BRD8: variants seen among roughly 807,000 people sequenced by gnomAD.
BRD8 encodes the protein bromodomain containing 8.
A neutral mutation model predicts 143.1 loss-of-function variants in BRD8; 67 were observed. That is an observed-to-expected ratio of 0.47 (90% CI 0.38 to 0.57). The LOEUF is 0.57. Among genes scored for constraint, BRD8 ranks in the 20% least tolerant of loss-of-function variants. The pLI is 0.00. For synonymous variants in BRD8, 505 were observed against 517.1 expected (o/e 0.98, Z 0.32); for missense variants, 1,103 against 1,503.0 (o/e 0.73, Z 4.40).
In BRD8 at chr5:138,161,079, A is replaced by G. The variant is rs78629454; in HGVS notation, c.2250-11T>C. On this transcript the variant is annotated splice_polypyrimidine_tract_variant and intron_variant, in intron 17 of 26. Transcript: ENST00000254900. The stretch of plus-strand genomic sequence containing the variant: ...GACAAATCCATAGGCCTAAAAAAAA[A>G]GAACAGGGGTAAGTAGCAGTGGGGA... The G allele has an allele frequency of 1.2e-6, 2 of 1,604,502 alleles. No homozygotes were observed. The highest frequency in any genetic ancestry group is 1.7e-6 in the Non-Finnish European group (2 of 1,174,516).
At position 138,171,415 on chromosome 5, in the gene BRD8, T is replaced by TA. The variant is rs34106093; in HGVS notation, c.187-6dup. ...CGAGTACTGGGAAGCACAATGCTAT[T>TA]AAAAAAAAAAAAAAAAGTGAAAATG... On this transcript the variant is annotated splice_polypyrimidine_tract_variant and splice_region_variant and intron_variant, in intron 3 of 26. Coordinates refer to ENST00000254900, the MANE Select transcript of BRD8 (RefSeq NM_139199.2). 6.8e-3 allele frequency: 9,051 copies of TA among 1,337,470 alleles called. 1 individual carries two copies. The highest frequency in any genetic ancestry group is 7.7e-3 in the Non-Finnish European group (7,526 of 976,370). 82.9% of individuals were successfully genotyped at this position (1,337,470 alleles called of 1,614,324 possible).
intron 11 of BRD8, 97 bp downstream of exon 11, chr5:138,165,726 CAAAAA>C (rs374362323): frequency 1.3e-3 from 1,244 of 942,914 alleles, no homozygotes; most frequent in South Asian, 2.2e-3. Context: ...ACTCTGTCTC[CAAAAA>C]AAAAAAAAAA....
chr5:138,160,792 C>G lies in BRD8; in HGVS notation c.2427+99G>C, dbSNP rs145308137. On this transcript the variant is annotated intron_variant, in intron 18 of 26. Transcript: ENST00000254900. ...CAATTGTGTCCCTGACAGCTATCCACGTAAAAGCCACAGCAACCCTTCTTG... is the reference window on the plus strand; with the variant it reads ...CAATTGTGTCCCTGACAGCTATCCAGGTAAAAGCCACAGCAACCCTTCTTG... 1.9e-5 allele frequency: 21 copies of G among 1,129,342 alleles called. No individual in the cohort carries two copies. In the South Asian group the frequency reaches 4.0e-4, roughly 22 times the overall value. The allele number at this position is 1,129,342 out of a possible 1,614,324, so 70.0% of individuals were successfully genotyped here. A position where few individuals can be genotyped will look rare whatever the true frequency, so the allele number is the denominator to read the frequency against.
intron 2 of BRD8, among the ~76,000 whole-genome samples, chr5:138,173,413 T>C (rs925061546): frequency 1.3e-5 from 2 of 151,842 alleles, no homozygotes. Flanking sequence ...AAAAAAAAGA[T>C]TCTTAACACT....
chr5:138,170,476 T>A (rs376893237), intron 6 of BRD8, 67 bp from the exon 7 acceptor site: 15 of 1,576,556 alleles, frequency 9.5e-6, no homozygotes, highest in Non-Finnish European at 1.3e-5. Flanking sequence ...ACAGAACCCT[T>A]ACAAAGTAAT....
chr5:138,171,257 C>T, intron 4 of BRD8, 97 bp from the exon 5 acceptor site: 2 of 1,418,702 alleles, frequency 1.4e-6, no homozygotes, highest in Non-Finnish European at 9.9e-7. Context: ...ATAACTTCTG[C>T]TATTTTTTAA....
rs913864438 is a variant in BRD8 at position 138,178,499 on chromosome 5, A to C, written c.19+97T>G. On this transcript the variant is annotated intron_variant, in intron 1 of 26. Coordinates refer to ENST00000254900, the MANE Select transcript of BRD8 (RefSeq NM_139199.2). Reference sequence around the variant, plus strand: ...CTCTGAAAACCCTGGGCTCTCAAGCAACCCACTTCTCCCACTCCCTAAGCG... The same window carrying C: ...CTCTGAAAACCCTGGGCTCTCAAGCCACCCACTTCTCCCACTCCCTAAGCG... 3.4e-6 allele frequency: 4 copies of C among 1,164,480 alleles called. No individual in the cohort carries two copies. The African/African-American group carries it at 6.0e-5, about 18-fold the overall frequency. 72.1% of individuals were successfully genotyped at this position (1,164,480 alleles called of 1,614,324 possible). A position where few individuals can be genotyped will look rare whatever the true frequency, so the allele number is the denominator to read the frequency against.
chr5:138,173,720 T>C (rs888110541), intron 2 of BRD8, among the ~76,000 whole-genome samples: 8 of 152,286 alleles, frequency 5.3e-5, no homozygotes, highest in Admixed American at 1.3e-4. Flanking sequence ...AGATGCACCA[T>C]CATGCCTGGC....
chr5:138,149,887 T>A, intron 22 of BRD8, 90 bp from the exon 23 acceptor site: 2 of 1,316,548 alleles, frequency 1.5e-6, no homozygotes, highest in Non-Finnish European at 2.1e-6. Context: ...AGGCTGCCCT[T>A]AAGGTGAGAA....
At chr5:138,154,319 T>C (rs1044412022) in intron 20 of BRD8, among the ~76,000 whole-genome samples, 3 of 152,170 alleles carry the variant, frequency 2.0e-5, no homozygotes, top group African/African-American at 7.2e-5. Context: ...TCTAATTACA[T>C]TTTTCTCCGT....
At chr5:138,157,516 G>A (rs1752686140) in intron 20 of BRD8, 1 of 525,932 alleles carries the variant, frequency 1.9e-6, no homozygotes, top group African/African-American at 1.9e-5. Context: ...AATTCACCTA[G>A]GGTCCCACAG....
At chr5:138,162,233 T>C (rs1561608793) in intron 15 of BRD8, 87 bp from the exon 16 acceptor site, 2 of 1,048,626 alleles carry the variant, frequency 1.9e-6, no homozygotes, top group Non-Finnish European at 2.8e-6. Context: ...AGGGTCTCAC[T>C]CTGTCCCCCA....
chr5:138,170,499 G>T, intron 6 of BRD8, 90 bp from the exon 7 acceptor site: 1 of 1,413,766 alleles, frequency 7.1e-7, no homozygotes, highest in Non-Finnish European at 1.0e-6. Flanking sequence ...TTTTTGCCAG[G>T]CCAGCACTTT....
At chr5:138,148,632 G>C (rs1306713948) in intron 23 of BRD8, among the ~76,000 whole-genome samples, 1 of 152,000 alleles carries the variant, frequency 6.6e-6, no homozygotes, top group African/African-American at 2.4e-5. Flanking sequence ...GCCTCCCAAA[G>C]TGCTGAGATT....
At chr5:138,167,288 C>A (rs976616945) in intron 9 of BRD8, among the ~76,000 whole-genome samples, 1 of 151,564 alleles carries the variant, frequency 6.6e-6, no homozygotes, top group Non-Finnish European at 1.5e-5. Flanking sequence ...ACAACAACAA[C>A]AACAAAGGGT....
intron 25 of BRD8, among the ~76,000 whole-genome samples, chr5:138,144,914 A>ATATATATAT (rs1300352644): frequency 1.4e-5 from 2 of 142,826 alleles, no homozygotes; most frequent in Admixed American, 7.1e-5. Context: ...AAAAAAAAAA[A>ATATATATAT]AAAAATATAT....
Position 138,140,459 on chromosome 5 carries a change from CT to C in BRD8, c.3615+245del, listed in dbSNP as rs538838528. 5.3e-5 allele frequency among the ~76,000 whole-genome samples: 8 copies of C among 152,300 alleles called. No individual in the cohort carries two copies. The South Asian group carries it at 1.7e-3, about 32-fold the overall frequency. ...GCTCTGGAAGCGGGAATTCCCATTACTTGTCTATCCTCAGCTCTCTTGAGAG... is the reference window on the plus strand; with the variant it reads ...GCTCTGGAAGCGGGAATTCCCATTACTGTCTATCCTCAGCTCTCTTGAGAG... On this transcript the variant is annotated intron_variant, in intron 26 of 26. Coordinates refer to ENST00000254900, the MANE Select transcript of BRD8 (RefSeq NM_139199.2).
At chr5:138,170,472 C>T in intron 6 of BRD8, 63 bp from the exon 7 acceptor site, 2 of 1,585,350 alleles carry the variant, frequency 1.3e-6, no homozygotes, top group Non-Finnish European at 1.7e-6. Flanking sequence ...GTTCACAGAA[C>T]CCTTACAAAG....
chr5:138,171,926 T>C (rs776906893), intron 3 of BRD8, 139 bp downstream of exon 3: 2 of 734,176 alleles, frequency 2.7e-6, no homozygotes, highest in Non-Finnish European at 4.8e-6. Context: ...TAGCAAACAG[T>C]AGGAAAAAGA....
Sources: gnomAD v4.1 joint callset for allele counts (sites outside exome capture counted in the v4.1 genomes callset) on GRCh38, gnomAD v4.1.1 for gene constraint, MANE v1.5 for transcripts, NCBI Gene and HGNC (gene_info 2026-07-23, HGNC 2026-07-21) for gene names.